PRKG1: variants seen among roughly 807,000 people sequenced by gnomAD.
PRKG1 encodes cGMP-dependent protein kinase 1.
Under a neutral mutation model 88.1 loss-of-function variants are expected in PRKG1, and 35 were observed. The ratio of observed to expected loss-of-function variants is 0.40; its 90% confidence interval spans 0.30 to 0.53. The LOEUF is 0.53. Ranked by LOEUF, PRKG1 falls within the 20% of genes least tolerant of loss-of-function variation. PRKG1 has a pLI of 0.59. For missense variants in PRKG1, 540 were observed against 839.8 expected (o/e 0.64, Z 4.41); for synonymous variants, 303 against 292.5 (o/e 1.04, Z -0.37).
intron 2 of PRKG1, among the ~76,000 whole-genome samples, chr10:51,156,502 T>G (rs533942625): frequency 6.6e-6 from 1 of 152,114 alleles, no homozygotes; most frequent in South Asian, 2.1e-4. Context: ...AAAAACAGGG[T>G]TCTAAATAAT....
At chr10:51,182,822 C>T (rs1253423626) in intron 2 of PRKG1, among the ~76,000 whole-genome samples, 1 of 152,194 alleles carries the variant, frequency 6.6e-6, no homozygotes, top group Non-Finnish European at 1.5e-5. Context: ...ATTCCAACAG[C>T]CTTCAAGAAT....
At chr10:51,624,186 C>G (rs1476185059) in intron 3 of PRKG1, among the ~76,000 whole-genome samples, 1 of 152,130 alleles carries the variant, frequency 6.6e-6, no homozygotes, top group African/African-American at 2.4e-5. Context: ...GAGAGAATGA[C>G]AACCATAAAG....
intron 2 of PRKG1, among the ~76,000 whole-genome samples, chr10:51,449,858 C>G (rs956940733): frequency 1.3e-5 from 2 of 151,376 alleles, no homozygotes; most frequent in African/African-American, 4.9e-5. Context: ...TTTCTGAAGT[C>G]TGGGCATAGT....
intron 1 of PRKG1, among the ~76,000 whole-genome samples, chr10:51,003,140 A>G (rs1426298404): frequency 1.3e-5 from 2 of 152,086 alleles, no homozygotes; most frequent in African/African-American, 2.4e-5. Context: ...AATGTTGGGT[A>G]TGCTTTCTCG....
chr10:51,838,564 G>A (rs2132769404), intron 4 of PRKG1, among the ~76,000 whole-genome samples: 1 of 152,224 alleles, frequency 6.6e-6, no homozygotes, highest in African/African-American at 2.4e-5. Context: ...GATAGAAATA[G>A]TTTTACTTGG....
intron 10 of PRKG1, among the ~76,000 whole-genome samples, chr10:52,262,392 C>T (rs1207148844): frequency 1.3e-5 from 2 of 152,032 alleles, no homozygotes; most frequent in African/African-American, 4.8e-5. Context: ...CTGCCTCAGC[C>T]TCCTGAGTAG....
intron 2 of PRKG1, chr10:51,306,511 A>C (rs900510885): frequency 1.3e-5 from 2 of 152,186 alleles, no homozygotes; most frequent in Admixed American, 6.6e-5. Flanking sequence ...GAAAATAAAC[A>C]TGTCCATTCT....
chr10:51,981,267 G>A (rs1356380548), intron 5 of PRKG1, among the ~76,000 whole-genome samples: 2 of 152,126 alleles, frequency 1.3e-5, no homozygotes, highest in Non-Finnish European at 2.9e-5. Context: ...GATACGAAGT[G>A]CTGGGTTGGA....
intron 3 of PRKG1, among the ~76,000 whole-genome samples, chr10:51,539,741 A>T (rs1315437488): frequency 1.3e-5 from 2 of 152,160 alleles, no homozygotes; most frequent in Non-Finnish European, 2.9e-5. Context: ...TCAAAATGTC[A>T]CAGTTTAGAA....
rs140834061 is a variant in PRKG1 at position 51,800,085 on chromosome 10, A to G, written c.593-4500A>G. Among the ~76,000 whole-genome samples the G allele has an allele frequency of 4.3e-3, 654 of 152,240 alleles. 5 individuals carry two copies. Among genetic ancestry groups the G allele is most frequent in the African/African-American group, 0.013 (549 of 41,580 alleles). ...ATATCTGCAGCAAATATAGGAGGGT[A>G]TAAAAATAGCCGCTGTTTCTATTGG... On this transcript the variant is annotated intron_variant, in intron 3 of 17. Coordinates refer to ENST00000373980, the MANE Select transcript of PRKG1 (RefSeq NM_006258.4).
chr10:51,108,578 ACCCAT>A (rs1844904456), intron 1 of PRKG1, among the ~76,000 whole-genome samples: 2 of 152,188 alleles, frequency 1.3e-5, no homozygotes, highest in Non-Finnish European at 2.9e-5. Flanking sequence ...TTAAGCCAGT[ACCCAT>A]TCCTGCTGAA....
intron 3 of PRKG1, among the ~76,000 whole-genome samples, chr10:51,506,434 A>G (rs10997840): frequency 6.6e-6 from 1 of 152,228 alleles, no homozygotes; most frequent in Non-Finnish European, 1.5e-5. Context: ...TCCAGAAACT[A>G]CAATGAACTC....
chr10:51,417,606 A>C (rs1262070806), intron 2 of PRKG1, among the ~76,000 whole-genome samples: 2 of 152,152 alleles, frequency 1.3e-5, no homozygotes, highest in Non-Finnish European at 2.9e-5. Flanking sequence ...AAAATTGTAG[A>C]ACATAGTAGG....
intron 3 of PRKG1, chr10:51,699,252 C>A: frequency 1.2e-6 from 2 of 1,614,028 alleles, no homozygotes; most frequent in Non-Finnish European, 1.7e-6. Context: ...CTCTTTAACT[C>A]CTCCTTATTC....
In PRKG1 at chr10:50,991,984, C is replaced by A. The variant is rs542121441; in HGVS notation, c.266+340C>A. Among the ~76,000 whole-genome samples, 3 of 152,100 alleles carry A rather than the reference C, an allele frequency of 2.0e-5. No homozygotes were observed. Among genetic ancestry groups the A allele is most frequent in the African/African-American group, 7.2e-5 (3 of 41,520 alleles). On this transcript the variant is annotated intron_variant, in intron 1 of 17. Coordinates refer to the PRKG1 transcript ENST00000401604. The surrounding 1 kb of genome is among the most constrained non-coding windows in gnomAD (Gnocchi z 4.5). ...TGCAGTCGCGCGGCTGTCCTTCGTG[C>A]GCCCCGCTGGGAGCGTCCACGCAGG...
At position 51,478,948 on chromosome 10, in the gene PRKG1, C is replaced by A. The variant is rs910322027; in HGVS notation, c.592+11112C>A. 2.2e-4 allele frequency among the ~76,000 whole-genome samples: 33 copies of A among 152,016 alleles called. 1 individual carries two copies. Among genetic ancestry groups the A allele is most frequent in the Admixed American group, 1.8e-3 (27 of 15,220 alleles). On this transcript the variant is annotated intron_variant, in intron 3 of 17. Transcript: ENST00000373980. ...ATCGACTCCCTTTGTCTATTTGTTT[C>A]ATGACTAATAAAAACAGAAATGAGC...
intron 2 of PRKG1, among the ~76,000 whole-genome samples, chr10:51,353,958 C>A (rs1041389678): frequency 6.6e-6 from 1 of 151,922 alleles, no homozygotes; most frequent in Non-Finnish European, 1.5e-5. Context: ...TCCAACTATT[C>A]CACCATAAAA....
chr10:51,209,474 T>C (rs1172193698), intron 2 of PRKG1, among the ~76,000 whole-genome samples: 5 of 152,164 alleles, frequency 3.3e-5, no homozygotes, highest in Non-Finnish European at 4.4e-5. Context: ...TGTTCACTCA[T>C]TAAGGTAGTT....
chr10:51,421,353 G>GT (rs1397291098), intron 2 of PRKG1, among the ~76,000 whole-genome samples: 1 of 151,906 alleles, frequency 6.6e-6, no homozygotes. Context: ...TTTAAAAATT[G>GT]TTTTTTGTAG....
Sources: gnomAD v4.1 joint callset for allele counts (sites outside exome capture counted in the v4.1 genomes callset) on GRCh38, gnomAD v4.1.1 for gene constraint, Gnocchi (gnomAD v3.1) non-coding constraint, MANE v1.5 for transcripts, NCBI Gene and HGNC (gene_info 2026-07-23, HGNC 2026-07-21) for gene names.